TRAK1: variants seen among roughly 807,000 people sequenced by gnomAD.
The protein encoded by TRAK1 is trafficking kinesin-binding protein 1.
In TRAK1, 33 loss-of-function variants were observed where a neutral mutation model predicts 92.1. That is an observed-to-expected ratio of 0.36 (90% CI 0.27 to 0.48). TRAK1 has a LOEUF of 0.48. TRAK1 is among the 20% of genes least tolerant of loss of function. The probability of loss-of-function intolerance (pLI) is 0.99; values close to 1 mark genes in which losing one functional copy is unlikely to be tolerated. For synonymous variants in TRAK1, 521 were observed against 517.3 expected, an observed-to-expected ratio of 1.01 and a Z score of -0.10; for missense variants, 1,123 against 1,257.9, an observed-to-expected ratio of 0.89 and a Z score of 1.62.
At chr3:42,043,804 AC>A (rs1401762239) in intron 1 of TRAK1, among the ~76,000 whole-genome samples, 2 of 128,504 alleles carry the variant, frequency 1.6e-5, no homozygotes, top group African/African-American at 5.8e-5. Flanking sequence ...CAGAGGGGGC[AC>A]AGGTTTGAAA....
intron 7 of TRAK1, 75 bp from the exon 8 acceptor site, chr3:42,193,000 A>G: frequency 6.4e-7 from 1 of 1,574,686 alleles, no homozygotes; most frequent in Non-Finnish European, 8.6e-7. Flanking sequence ...TGCAAACCAC[A>G]AAGAAACCAT....
At chr3:42,222,863 C>T in intron 15 of TRAK1, 79 bp from the exon 16 acceptor site, 1 of 1,510,912 alleles carries the variant, frequency 6.6e-7, no homozygotes, top group East Asian at 2.3e-5. Context: ...CCTACCCCCC[C>T]TGCAGGAAAC....
Position 42,194,429 on chromosome 3 carries a change from G to GT in TRAK1, c.976-371dup, listed in dbSNP as rs578097741. 2.2e-3 allele frequency among the ~76,000 whole-genome samples: 328 copies of GT among 151,268 alleles called. 1 individual carries two copies. Among genetic ancestry groups the GT allele is most frequent in the Non-Finnish European group, 3.5e-3 (238 of 67,836 alleles). Reference sequence around the variant, plus strand: ...TGCTTTTTTTTTTTTGAAAGATGAGGTTTTCCCATGTCGCCCAGGCTGGTC... The same window carrying GT: ...TGCTTTTTTTTTTTTGAAAGATGAGGTTTTTCCCATGTCGCCCAGGCTGGTC... On this transcript the variant is annotated intron_variant, in intron 9 of 15. Transcript: ENST00000327628.
At chr3:42,188,465 G>A (rs547712646) in intron 5 of TRAK1, among the ~76,000 whole-genome samples, 1 of 152,332 alleles carries the variant, frequency 6.6e-6, no homozygotes, top group South Asian at 2.1e-4. Context: ...TGGAGCCAGA[G>A]GTGCTGTGGC....
At chr3:42,201,552 T>G (rs529155236) in intron 12 of TRAK1, among the ~76,000 whole-genome samples, 2 of 152,280 alleles carry the variant, frequency 1.3e-5, no homozygotes, top group African/African-American at 4.8e-5. Flanking sequence ...TTTAATCAGC[T>G]TAAAGATGTA....
upstream of TRAK1, chr3:42,087,546 TTGTGAGAC>T: frequency 6.6e-6 from 1 of 152,630 alleles, no homozygotes; most frequent in East Asian, 1.9e-4. Flanking sequence ...AGCTTTCGGA[TTGTGAGAC>T]CTCCAATCCA....
intron 13 of TRAK1, among the ~76,000 whole-genome samples, chr3:42,208,254 G>T (rs535776873): frequency 6.6e-6 from 1 of 152,042 alleles, no homozygotes; most frequent in Non-Finnish European, 1.5e-5. Flanking sequence ...CTTAAAACTG[G>T]GATAAGCCTT....
At chr3:42,058,159 C>A (rs1049768006) in intron 1 of TRAK1, among the ~76,000 whole-genome samples, 1 of 152,112 alleles carries the variant, frequency 6.6e-6, no homozygotes, top group Non-Finnish European at 1.5e-5. Flanking sequence ...GTAAAATACT[C>A]CTTGGAACCT....
At chr3:42,072,386 G>T (rs1436162340) in intron 1 of TRAK1, among the ~76,000 whole-genome samples, 1 of 152,076 alleles carries the variant, frequency 6.6e-6, no homozygotes, top group Non-Finnish European at 1.5e-5. Context: ...GCTCGTAAAG[G>T]TTCCATTGTA....
intron 1 of TRAK1, among the ~76,000 whole-genome samples, chr3:42,022,377 C>T (rs1304447680): frequency 6.6e-6 from 1 of 152,176 alleles, no homozygotes; most frequent in African/African-American, 2.4e-5. Flanking sequence ...ACGTTGACTG[C>T]TGCAGTAGAT....
chr3:42,134,596 T>C, intron 2 of TRAK1, among the ~76,000 whole-genome samples: 1 of 135,422 alleles, frequency 7.4e-6, no homozygotes, highest in African/African-American at 3.0e-5. Flanking sequence ...TTTTTTTTTT[T>C]TTTTTTTTGA....
In TRAK1 at chr3:42,197,301, A is replaced by G. The variant is rs542881742; in HGVS notation, c.1114-1876A>G. On this transcript the variant is annotated intron_variant, in intron 10 of 15. Coordinates refer to ENST00000327628, the MANE Select transcript of TRAK1 (RefSeq NM_001042646.3). Reference sequence around the variant, plus strand: ...TTCAATGCCTAAGTCTCTGATATAAAAGGGCATAGTGTTTGCTTATAACCT... The same window carrying G: ...TTCAATGCCTAAGTCTCTGATATAAGAGGGCATAGTGTTTGCTTATAACCT... Among the ~76,000 whole-genome samples the G allele has an allele frequency of 2.0e-5, 3 of 152,296 alleles. No homozygotes were observed. The South Asian group carries it at 6.2e-4, about 32-fold the overall frequency.
intron 14 of TRAK1, among the ~76,000 whole-genome samples, chr3:42,216,728 G>A (rs1454888358): frequency 6.6e-6 from 1 of 152,002 alleles, no homozygotes; most frequent in Non-Finnish European, 1.5e-5. Context: ...AAGAATTAGG[G>A]GTTTTTATTG....
At chr3:42,220,684 C>A in intron 15 of TRAK1, 1 of 823,472 alleles carries the variant, frequency 1.2e-6, no homozygotes, top group Non-Finnish European at 1.5e-6. Context: ...GGGACTTAGG[C>A]TTGGATGTGT....
intron 2 of TRAK1, among the ~76,000 whole-genome samples, chr3:42,160,690 G>C (rs914913733): frequency 2.6e-5 from 4 of 151,118 alleles, no homozygotes; most frequent in Admixed American, 6.6e-5. Context: ...GAAGTCCCTT[G>C]GTCCCTTTCT....
chr3:42,168,011 C>A (rs1329269055), intron 2 of TRAK1, among the ~76,000 whole-genome samples: 2 of 152,194 alleles, frequency 1.3e-5, no homozygotes, highest in African/African-American at 2.4e-5. Context: ...CTTGGCGAAG[C>A]CTTCAAGGAG....
Position 42,197,183 on chromosome 3 carries a change from A to G in TRAK1, c.1114-1994A>G, listed in dbSNP as rs1168233555. On this transcript the variant is annotated intron_variant, in intron 10 of 15. Coordinates refer to ENST00000327628, the MANE Select transcript of TRAK1 (RefSeq NM_001042646.3). The stretch of plus-strand genomic sequence containing the variant: ...GCCAAAAACAAGTCACAGAGCCTGC[A>G]TGTGACTTTTTCTCAGTATGGCTTT... Among the ~76,000 whole-genome samples the G allele has an allele frequency of 2.6e-5, 4 of 152,274 alleles. No individual in the cohort carries two copies. The East Asian group carries it at 5.8e-4, about 22-fold the overall frequency.
chr3:42,102,251 G>T (rs890475127), intron 1 of TRAK1, among the ~76,000 whole-genome samples: 16 of 152,254 alleles, frequency 1.1e-4, no homozygotes, highest in Non-Finnish European at 1.5e-4. Context: ...CTCCCAGGGT[G>T]CTGGGATTAT....
chr3:42,195,157 C>G (rs997238746), intron 10 of TRAK1, among the ~76,000 whole-genome samples: 1 of 152,168 alleles, frequency 6.6e-6, no homozygotes, highest in Non-Finnish European at 1.5e-5. Flanking sequence ...AATCTGTGGT[C>G]TTTTCTACTC....
Sources: gnomAD v4.1 joint callset for allele counts (sites outside exome capture counted in the v4.1 genomes callset) on GRCh38, gnomAD v4.1.1 for gene constraint, MANE v1.5 for transcripts, NCBI Gene and HGNC (gene_info 2026-07-23, HGNC 2026-07-21) for gene names.